Variants in ORC1 observed in about 807,000 individuals in gnomAD.
ORC1 encodes origin recognition complex subunit 1.
In ORC1, 61 loss-of-function variants were observed where a neutral mutation model predicts 98.9. The ratio of observed to expected loss-of-function variants is 0.62; its 90% CI spans 0.50 to 0.76. The LOEUF (loss-of-function observed/expected upper bound fraction) is 0.76. Among genes scored for constraint, ORC1 ranks in the 30% least tolerant of loss-of-function variants. The pLI, the probability that ORC1 is intolerant of heterozygous loss-of-function variation, is 0.00. For synonymous variants in ORC1, 385 were observed against 406.9 expected, an observed-to-expected ratio of 0.95 and a Z score of 0.65; for missense variants, 979 against 1,072.2, an observed-to-expected ratio of 0.91 and a Z score of 1.21.
chr1:52,384,461 G>A (rs1647114799), intron 11 of ORC1, 89 bp downstream of exon 11: 11 of 1,159,080 alleles, frequency 9.5e-6, no homozygotes, highest in Admixed American at 8.4e-5. Context: ...TCATGAACAT[G>A]CAATACACGC....
chr1:52,382,156 T>C (rs1647079580), intron 13 of ORC1, among the ~76,000 whole-genome samples: 1 of 151,966 alleles, frequency 6.6e-6, no homozygotes, highest in South Asian at 2.1e-4. Context: ...TTTTTTTGTA[T>C]TTTTAGTAGG....
intron 5 of ORC1, among the ~76,000 whole-genome samples, chr1:52,395,116 A>G (rs758720380): frequency 2.6e-5 from 4 of 152,222 alleles, no homozygotes; most frequent in Non-Finnish European, 5.9e-5. Flanking sequence ...CAAAAAATTC[A>G]AAAAAGGATG....
chr1:52,392,721 A>AC (rs1482794740), intron 6 of ORC1, among the ~76,000 whole-genome samples: 1 of 152,202 alleles, frequency 6.6e-6, no homozygotes, highest in African/African-American at 2.4e-5. Flanking sequence ...ATGGAATACT[A>AC]CTCAGCCATA....
chr1:52,384,634 G>T lies in ORC1; in HGVS notation c.1671C>A (p.Ala557=). ...VIRCLQQAAQ[A]NDVPPFQYIE... The stretch of plus-strand genomic sequence containing the variant: ...TGTATTGAAAGGGAGGAACATCATT[G>T]GCTTGGGCTGCCTGCTGCAGGCAGC... Residue 557 remains alanine (A), a synonymous_variant, in exon 11 of 17, where the codon GCC becomes GCA. Coordinates refer to ENST00000371568, the MANE Select transcript of ORC1 (RefSeq NM_004153.4). 6.2e-7 allele frequency: 1 copy of T among 1,613,966 alleles called. No homozygotes were observed. The highest frequency in any genetic ancestry group is 8.5e-7 in the Non-Finnish European group (1 of 1,179,876).
Position 52,400,093 on chromosome 1 carries a change from C to G in ORC1, c.223+1269G>C, listed in dbSNP as rs116267377. Among the ~76,000 whole-genome samples, 799 of 152,278 alleles carry G rather than the reference C, an allele frequency of 5.2e-3. 5 individuals are homozygous for G. Among genetic ancestry groups the G allele is most frequent in the South Asian group, 0.018 (86 of 4,826 alleles). On this transcript the variant is annotated intron_variant, in intron 3 of 16. Transcript: ENST00000371568. ...AGCCCATGATTCTGATGTGCTGCCT[C>G]TACTGGACATTAGTTTGATGAGGTT...
intron 4 of ORC1, among the ~76,000 whole-genome samples, 174 bp downstream of exon 4, chr1:52,397,511 G>A (rs933994140): frequency 2.1e-4 from 32 of 152,110 alleles, no homozygotes; most frequent in African/African-American, 7.2e-4. Context: ...CACATGATAC[G>A]TGCTCTCAAT....
intron 8 of ORC1, 126 bp downstream of exon 8, chr1:52,388,316 A>T (rs1647169911): frequency 2.4e-6 from 2 of 845,674 alleles, no homozygotes; most frequent in South Asian, 2.7e-5. Flanking sequence ...TTCCACAAAG[A>T]ATAGCATTGA....
chr1:52,406,931 C>T (rs749060755), upstream of ORC1, among the ~76,000 whole-genome samples: 2 of 152,302 alleles, frequency 1.3e-5, no homozygotes, highest in South Asian at 2.1e-4. Context: ...TTCTGCTTCT[C>T]GTACAAAGAA....
chr1:52,377,481 C>T (rs539045134), intron 14 of ORC1, among the ~76,000 whole-genome samples: 11 of 151,798 alleles, frequency 7.2e-5, no homozygotes, highest in African/African-American at 2.7e-4. Context: ...TAATATGTTG[C>T]CCAGGCTGGT....
chr1:52,375,653 AG>A, intron 14 of ORC1, 54 bp from the exon 15 acceptor site: 2 of 1,570,460 alleles, frequency 1.3e-6, no homozygotes, highest in African/African-American at 1.3e-5. Flanking sequence ...AAGAACCAAG[AG>A]ATTCTTGGTA....
intron 14 of ORC1, among the ~76,000 whole-genome samples, chr1:52,380,729 C>A (rs1310950153): frequency 1.3e-5 from 2 of 151,282 alleles, no homozygotes; most frequent in Non-Finnish European, 3.0e-5. Flanking sequence ...AAAAAAGGAT[C>A]ATTCAAAGAA....
At chr1:52,405,953 A>C, upstream of ORC1, 1 of 907,342 alleles carries the variant, frequency 1.1e-6, no homozygotes, top group Non-Finnish European at 1.7e-6. Flanking sequence ...GTTCCACTCC[A>C]GATTTTTGCT....
At chr1:52,394,194 T>G (rs750033146) in intron 5 of ORC1, among the ~76,000 whole-genome samples, 1 of 152,122 alleles carries the variant, frequency 6.6e-6, no homozygotes, top group Non-Finnish European at 1.5e-5. Context: ...CAAGTAACAA[T>G]GAGGCCAAGA....
chr1:52,399,527 G>A (rs1647592147), intron 3 of ORC1, among the ~76,000 whole-genome samples: 2 of 151,502 alleles, frequency 1.3e-5, no homozygotes, highest in East Asian at 1.9e-4. Flanking sequence ...GGGAGGCTGA[G>A]GCAAGAGAAT....
chr1:52,378,753 G>C (rs372868690), intron 14 of ORC1, among the ~76,000 whole-genome samples: 2 of 152,190 alleles, frequency 1.3e-5, no homozygotes, highest in East Asian at 1.9e-4. Flanking sequence ...GCAAGTTAGT[G>C]CCAGGCGCGG....
intron 10 of ORC1, 126 bp from the exon 11 acceptor site, chr1:52,384,847 A>G: frequency 1.2e-6 from 1 of 822,328 alleles, no homozygotes; most frequent in South Asian, 1.4e-5. Context: ...AGGTGGGGGC[A>G]GTAGGGACCA....
intron 14 of ORC1, among the ~76,000 whole-genome samples, chr1:52,379,423 T>G (rs982533572): frequency 6.6e-6 from 1 of 151,616 alleles, no homozygotes; most frequent in East Asian, 2.0e-4. Flanking sequence ...TTTTGTATTT[T>G]TAGTAGAGAC....
chr1:52,373,333 G>A lies in ORC1; in HGVS notation c.2434C>T (p.Pro812Ser). Residue 812 changes from proline to serine, a missense_variant, in exon 17 of 17, where the codon CCG becomes TCG. By Grantham distance (74) the Pro-to-Ser change is moderately conservative (BLOSUM62 -1). Transcript: ENST00000371568. ...HVALCRMEGLPYPTMSETMAV... is the reference protein window; with the variant it reads ...HVALCRMEGLSYPTMSETMAV... Reference sequence around the variant, plus strand: ...ATGGTCTCTGACATGGTGGGGTACGGCAGTCCCTCCATTCTGCACAGTGCC... The same window carrying A: ...ATGGTCTCTGACATGGTGGGGTACGACAGTCCCTCCATTCTGCACAGTGCC... The A allele has an allele frequency of 6.2e-7, 1 of 1,614,156 alleles. No homozygotes were observed.
chr1:52,386,115 A>G (rs956151443), intron 8 of ORC1, among the ~76,000 whole-genome samples, 166 bp from the exon 9 acceptor site: 2 of 152,170 alleles, frequency 1.3e-5, no homozygotes, highest in Non-Finnish European at 2.9e-5. Context: ...CTCACCTCAC[A>G]TTGCATAAAC....
Sources: gnomAD v4.1 joint callset for allele counts (sites outside exome capture counted in the v4.1 genomes callset) on GRCh38, gnomAD v4.1.1 for gene constraint, MANE v1.5 for transcripts, NCBI Gene and HGNC (gene_info 2026-07-23, HGNC 2026-07-21) for gene names.